TMEM247: variants seen among roughly 807,000 people sequenced by gnomAD.
TMEM247 encodes transmembrane protein ENSP00000343375.
TMEM247 carries 23 observed loss-of-function variants against 20.7 expected under a neutral mutation model. The observed-to-expected ratio is 1.11, with a 90% CI of 0.80 to 1.57. The LOEUF is 1.57. Ranked by LOEUF, TMEM247 falls within the 40% of genes most tolerant of loss-of-function variation. The pLI is 0.00. For missense variants in TMEM247, 354 were observed against 283.8 expected, an observed-to-expected ratio of 1.25 and a Z score of -1.78; for synonymous variants, 106 against 111.9, an observed-to-expected ratio of 0.95 and a Z score of 0.33.
In TMEM247 at chr2:46,480,035, C is replaced by T. The variant is rs111240693; in HGVS notation, c.117+333C>T. On this transcript the variant is annotated intron_variant, in intron 1 of 2. Transcript: ENST00000434431. ...CAATTCAGACCCTGGGTTTCTTTCT[C>T]CCTCTGTAACTTCCTGAAGACCTGG... Among the ~76,000 whole-genome samples, 234 of 152,248 alleles carry T rather than the reference C, an allele frequency of 1.5e-3. 4 individuals are homozygous for T. Among genetic ancestry groups the T allele is most frequent in the African/African-American group, 5.4e-3 (226 of 41,532 alleles).
At chr2:46,484,200 C>G in intron 2 of TMEM247, 44 bp from the exon 3 acceptor site, 1 of 1,511,832 alleles carries the variant, frequency 6.6e-7, no homozygotes, top group Non-Finnish European at 8.9e-7. Context: ...CTGCCTGGCG[C>G]CAACAATGGC....
At chr2:46,479,919 C>T (rs1269957099) in intron 1 of TMEM247, among the ~76,000 whole-genome samples, 1 of 152,138 alleles carries the variant, frequency 6.6e-6, no homozygotes, top group African/African-American at 2.4e-5. Flanking sequence ...CTCTATCTAC[C>T]TCCCCACTTG....
chr2:46,483,145 A>G (rs1686920392), intron 2 of TMEM247, among the ~76,000 whole-genome samples: 1 of 152,202 alleles, frequency 6.6e-6, no homozygotes, highest in African/African-American at 2.4e-5. Context: ...GATTTTTACA[A>G]ATATTTTAAA....
At chr2:46,480,111 G>A (rs561130081) in intron 1 of TMEM247, among the ~76,000 whole-genome samples, 8 of 152,150 alleles carry the variant, frequency 5.3e-5, no homozygotes, top group Non-Finnish European at 1.2e-4. Flanking sequence ...CCCGGAAGTT[G>A]CCTCTTTGGT....
chr2:46,479,773 A>C, intron 1 of TMEM247, 71 bp downstream of exon 1: 1 of 1,133,486 alleles, frequency 8.8e-7, no homozygotes, highest in East Asian at 2.6e-5. Context: ...GTAGGAACAC[A>C]TGCTTTGAGC....
At chr2:46,484,123 T>G (rs943663682) in intron 2 of TMEM247, 121 bp from the exon 3 acceptor site, 2 of 894,328 alleles carry the variant, frequency 2.2e-6, no homozygotes, top group African/African-American at 1.7e-5. Context: ...CTATTACCCT[T>G]TCTTTAGGTG....
At chr2:46,480,282 A>C in intron 1 of TMEM247, 123 bp from the exon 2 acceptor site, 41 of 1,127,352 alleles carry the variant, frequency 3.6e-5, no homozygotes, top group Middle Eastern at 3.0e-4. Context: ...AATTCAGCCT[A>C]GATCTTTACA....
chr2:46,480,889 G>A, intron 2 of TMEM247, 125 bp downstream of exon 2: 1 of 1,287,060 alleles, frequency 7.8e-7, no homozygotes, highest in South Asian at 1.6e-5. Context: ...CTGGATCTCG[G>A]CTGAAAGGGG....
At chr2:46,482,411 G>T (rs1006604519) in intron 2 of TMEM247, among the ~76,000 whole-genome samples, 1 of 152,192 alleles carries the variant, frequency 6.6e-6, no homozygotes, top group South Asian at 2.1e-4. Context: ...ATTTAAAGCA[G>T]ATATGATATT....
rs1253567303 is a variant in TMEM247, at chr2:46,480,627, G to A, written c.340G>A (p.Glu114Lys). The change falls in exon 2 of 3, where the codon GAG becomes AAG. Residue 114 changes from glutamate to lysine, a missense_variant. Glu to Lys is a moderately conservative substitution (Grantham distance 56). Transcript: ENST00000434431. Reference sequence around the variant, plus strand: ...GCTGGAGAAGGTGCGCATGGAGTTCGAGCTCACGCGGCTCAAGTACCTGCA... The same window carrying A: ...GCTGGAGAAGGTGCGCATGGAGTTCAAGCTCACGCGGCTCAAGTACCTGCA... 13 of 1,395,362 alleles carry A rather than the reference G, an allele frequency of 9.3e-6. No individual in the cohort carries two copies. In the East Asian group the frequency reaches 2.0e-4, roughly 21 times the overall value. The allele number at this position is 1,395,362 out of a possible 1,614,324, so 86.4% of individuals were successfully genotyped here.
At position 46,484,243 on chromosome 2, in the gene TMEM247, G is replaced by A; in HGVS notation, c.478-1G>A. The A allele has an allele frequency of 6.5e-7, 1 of 1,548,840 alleles. No homozygotes were observed. On this transcript the variant is annotated splice_acceptor_variant, in intron 2 of 2. Transcript: ENST00000434431. LOFTEE classifies it high-confidence loss of function. The stretch of plus-strand genomic sequence containing the variant: ...TCTCCACTGTCTTCTCTCCCCCACA[G>A]TTTTCAGGAGGCCTCCAGAACTTCC...
In TMEM247 at chr2:46,480,501, TC is replaced by T. The variant is rs770789607; in HGVS notation, c.219del (p.Lys74SerfsTer61). The T allele has an allele frequency of 1.9e-6, 3 of 1,551,386 alleles. No individual in the cohort carries two copies. Among genetic ancestry groups the T allele is most frequent in the Non-Finnish European group, 2.6e-6 (3 of 1,146,984 alleles). ...CTGCCAAGGGCCGCTTAAATCGCTGTCCCCCAAGTCCTGCCGTGCTACCAAA... is the reference window on the plus strand; with the variant it reads ...CTGCCAAGGGCCGCTTAAATCGCTGTCCCCAAGTCCTGCCGTGCTACCAAA... On this transcript the variant is annotated frameshift_variant, in exon 2 of 3. Transcript: ENST00000434431. LOFTEE classifies it high-confidence loss of function.
chr2:46,484,124 T>C, intron 2 of TMEM247, 120 bp from the exon 3 acceptor site: 1 of 901,018 alleles, frequency 1.1e-6, no homozygotes, highest in Non-Finnish European at 1.7e-6. Context: ...TATTACCCTT[T>C]CTTTAGGTGA....
At chr2:46,480,655 A>T (rs2103782012) in exon 2 of TMEM247, 2 of 1,551,740 alleles carry the variant, frequency 1.3e-6, no homozygotes, top group African/African-American at 1.4e-5. Context: ...TACCTGCATG[A>T]GAAGAACCAG....
intron 2 of TMEM247, among the ~76,000 whole-genome samples, chr2:46,482,651 T>C (rs1315271040): frequency 6.6e-6 from 1 of 152,224 alleles, no homozygotes; most frequent in South Asian, 2.1e-4. Flanking sequence ...CTCATCAGCA[T>C]TTCAGACTGA....
At chr2:46,480,644 G>A in exon 2 of TMEM247, 1 of 1,551,812 alleles carries the variant, frequency 6.4e-7, no homozygotes, top group Non-Finnish European at 8.7e-7. Context: ...CGCGGCTCAA[G>A]TACCTGCATG....
chr2:46,484,049 C>A (rs1686940681), intron 2 of TMEM247, among the ~76,000 whole-genome samples, 195 bp from the exon 3 acceptor site: 1 of 152,148 alleles, frequency 6.6e-6, no homozygotes, highest in African/African-American at 2.4e-5. Context: ...CCTTGGCCTC[C>A]CCAAGTACTG....
At chr2:46,484,205 A>G in intron 2 of TMEM247, 39 bp from the exon 3 acceptor site, 1 of 1,522,218 alleles carries the variant, frequency 6.6e-7, no homozygotes, top group Middle Eastern at 1.7e-4. Context: ...TGGCGCCAAC[A>G]ATGGCATCAT....
intron 2 of TMEM247, among the ~76,000 whole-genome samples, chr2:46,483,387 C>T (rs1253697217): frequency 6.6e-6 from 1 of 152,214 alleles, no homozygotes; most frequent in Non-Finnish European, 1.5e-5. Context: ...CTCTCAGCAC[C>T]TGCCTCCAAG....
Sources: allele counts gnomAD v4.1 joint callset (sites outside exome capture counted in the v4.1 genomes callset), GRCh38; gene constraint gnomAD v4.1.1; transcripts MANE v1.5; gene names NCBI Gene and HGNC (gene_info 2026-07-23, HGNC 2026-07-21).